ARHGEF18: variants seen among roughly 807,000 people sequenced by gnomAD.
ARHGEF18 encodes rho guanine nucleotide exchange factor 18.
In ARHGEF18, 93 loss-of-function variants were observed where a neutral mutation model predicts 155.7. That is an observed-to-expected ratio of 0.60 (90% CI 0.50 to 0.71). The LOEUF (loss-of-function observed/expected upper bound fraction) is 0.71, where lower values mean the gene tolerates loss of function less well. Among genes scored for constraint, ARHGEF18 ranks in the 30% least tolerant of loss-of-function variants. ARHGEF18 has a pLI of 0.00. For synonymous variants in ARHGEF18, 742 were observed against 753.1 expected (o/e 0.99, Z 0.24); for missense variants, 1,593 against 1,816.1 (o/e 0.88, Z 2.23).
At chr19:7,411,559 G>A (rs963355527) in intron 10 of ARHGEF18, among the ~76,000 whole-genome samples, 11 of 152,034 alleles carry the variant, frequency 7.2e-5, no homozygotes, top group African/African-American at 2.7e-4. Context: ...TGCCCACCTC[G>A]GCCTCCCAAA....
intron 1 of ARHGEF18, among the ~76,000 whole-genome samples, chr19:7,359,999 G>A (rs1479577538): frequency 6.6e-6 from 1 of 151,980 alleles, no homozygotes; most frequent in East Asian, 1.9e-4. Flanking sequence ...AACTAAAAAT[G>A]CAAAAATTAG....
At chr19:7,356,139 C>T (rs1969294001) in intron 1 of ARHGEF18, among the ~76,000 whole-genome samples, 1 of 152,040 alleles carries the variant, frequency 6.6e-6, no homozygotes, top group Non-Finnish European at 1.5e-5. Context: ...TACACACACA[C>T]ATCGGCTGGT....
chr19:7,477,441 G>C, downstream of ARHGEF18: 1 of 1,423,810 alleles, frequency 7.0e-7, no homozygotes, highest in Non-Finnish European at 9.2e-7. Flanking sequence ...AGCGGGCTGT[G>C]GGGCAGAGAG....
rs994221459 is a variant in ARHGEF18, at chr19:7,448,615, C to T, written c.1737+1447C>T. On this transcript the variant is annotated intron_variant, in intron 15 of 28. Transcript: ENST00000668164. ...GGCGGAGCGTGCAGTGAGCTGAGAT[C>T]GCACCACTGCACTCCAGCCTGGGCA... is the stretch of plus-strand genomic sequence containing the variant. 1.1e-4 allele frequency among the ~76,000 whole-genome samples: 16 copies of T among 151,554 alleles called. 1 individual carries two copies. Among genetic ancestry groups the T allele is most frequent in the Admixed American group, 3.9e-4 (6 of 15,210 alleles).
downstream of ARHGEF18, among the ~76,000 whole-genome samples, chr19:7,476,276 C>T (rs1977224845): frequency 6.6e-6 from 1 of 152,216 alleles, no homozygotes; most frequent in South Asian, 2.1e-4. Context: ...CGCACCACTG[C>T]ACTCCAGCCT....
At chr19:7,455,209 G>A (rs781086030) in intron 17 of ARHGEF18, among the ~76,000 whole-genome samples, 10 of 152,214 alleles carry the variant, frequency 6.6e-5, no homozygotes, top group Non-Finnish European at 1.3e-4. Flanking sequence ...CAGGCGCCGA[G>A]TTGGATGGTA....
intron 1 of ARHGEF18, among the ~76,000 whole-genome samples, chr19:7,353,649 G>A (rs1277726251): frequency 5.9e-5 from 9 of 151,566 alleles, no homozygotes; most frequent in African/African-American, 1.7e-4. Flanking sequence ...TATCCCTGTT[G>A]TATTTTTTTA....
chr19:7,445,673 G>A (rs1023529037), intron 14 of ARHGEF18, among the ~76,000 whole-genome samples: 1 of 152,134 alleles, frequency 6.6e-6, no homozygotes, highest in African/African-American at 2.4e-5. Flanking sequence ...AGGCTGGAGT[G>A]CAGTGGTGCA....
In ARHGEF18 at chr19:7,463,311, G is replaced by A. The variant is rs888142600; in HGVS notation, c.2636-507G>A. 1.3e-5 allele frequency among the ~76,000 whole-genome samples: 2 copies of A among 152,142 alleles called. No individual in the cohort carries two copies. The highest frequency in any genetic ancestry group is 2.9e-5 in the Non-Finnish European group (2 of 68,032). On this transcript the variant is annotated intron_variant, in intron 21 of 28. Coordinates refer to ENST00000668164, the MANE Select transcript of ARHGEF18 (RefSeq NM_001367823.1). The surrounding 1 kb of genome is among the most constrained non-coding windows in gnomAD (Gnocchi z 5.2). ...CCCCCTGGGGACACTCTCATATCCC[G>A]CACCTTGGCCTGGAATGTTCTTGTC...
At position 7,470,641 on chromosome 19, in the gene ARHGEF18, G is replaced by A. The variant is rs545199818; in HGVS notation, c.*343G>A. ...GAGATCAACTCCGAGCTGTTTTTCCGAGGCAGTGAGGAACGGTGCCGGCTC... is the reference window on the plus strand; with the variant it reads ...GAGATCAACTCCGAGCTGTTTTTCCAAGGCAGTGAGGAACGGTGCCGGCTC... On this transcript the variant is annotated 3_prime_UTR_variant, in exon 29 of 29. Coordinates refer to ENST00000668164, the MANE Select transcript of ARHGEF18 (RefSeq NM_001367823.1). This position sits in a 1 kb window ranked among gnomAD's most constrained non-coding sequence, Gnocchi z 5.9. 2.0e-5 allele frequency: 8 copies of A among 397,386 alleles called. No homozygotes were observed. The highest frequency in any genetic ancestry group is 3.1e-5 in the Non-Finnish European group (7 of 225,538). The allele number at this position is 397,386 out of a possible 1,614,324, so 24.6% of individuals were successfully genotyped here. A position where few individuals can be genotyped will look rare whatever the true frequency, so the allele number is the denominator to read the frequency against.
At chr19:7,443,959 C>T (rs567195583) in intron 13 of ARHGEF18, among the ~76,000 whole-genome samples, 6 of 152,098 alleles carry the variant, frequency 3.9e-5, no homozygotes, top group South Asian at 2.1e-4. Flanking sequence ...TGACACTGGG[C>T]GCAAAACCCT....
At chr19:7,379,023 G>T in intron 6 of ARHGEF18, 99 bp from the exon 7 acceptor site, 2 of 1,070,004 alleles carry the variant, frequency 1.9e-6, no homozygotes, top group South Asian at 4.8e-5. Flanking sequence ...TCTGCATCAG[G>T]ACCTGAGGCC....
intron 10 of ARHGEF18, among the ~76,000 whole-genome samples, chr19:7,411,740 G>A (rs1288886847): frequency 1.3e-5 from 2 of 151,956 alleles, no homozygotes; most frequent in Non-Finnish European, 2.9e-5. Flanking sequence ...CTGCAACTCT[G>A]TCCTCATAAA....
intron 14 of ARHGEF18, among the ~76,000 whole-genome samples, chr19:7,446,614 C>A (rs80138492): frequency 0.21 from 31,614 of 150,342 alleles, 3,488 homozygotes; most frequent in Admixed American, 0.24. Context: ...GGTGGCATGC[C>A]CCTGTAATCT....
intron 10 of ARHGEF18, among the ~76,000 whole-genome samples, chr19:7,430,921 CT>C (rs1973922900): frequency 6.6e-6 from 1 of 152,144 alleles, no homozygotes; most frequent in Non-Finnish European, 1.5e-5. Context: ...AACTCCAGCA[CT>C]TTGGGAGGCC....
intron 10 of ARHGEF18, chr19:7,439,548 T>C: frequency 2.8e-6 from 1 of 354,644 alleles, no homozygotes; most frequent in Non-Finnish European, 4.0e-6. Context: ...CTTAAATTAA[T>C]GAACAGATGG....
intron 10 of ARHGEF18, among the ~76,000 whole-genome samples, chr19:7,428,672 A>C (rs1973789782): frequency 6.6e-6 from 1 of 151,972 alleles, no homozygotes; most frequent in Non-Finnish European, 1.5e-5. Context: ...ACGCCACTGC[A>C]CTCCAGCCTG....
At chr19:7,460,489 T>A (rs936648812) in intron 20 of ARHGEF18, among the ~76,000 whole-genome samples, 5 of 152,084 alleles carry the variant, frequency 3.3e-5, no homozygotes, top group Admixed American at 2.6e-4. Context: ...CAGAATCATG[T>A]TAACTTTAGA....
At chr19:7,430,979 C>T (rs1973926179) in intron 10 of ARHGEF18, among the ~76,000 whole-genome samples, 1 of 151,892 alleles carries the variant, frequency 6.6e-6, no homozygotes, top group African/African-American at 2.4e-5. Flanking sequence ...CCAGCCTTTG[C>T]AACATAGCCA....
Sources: allele counts gnomAD v4.1 joint callset (sites outside exome capture counted in the v4.1 genomes callset), GRCh38; gene constraint gnomAD v4.1.1; non-coding constraint Gnocchi (gnomAD v3.1); transcripts MANE v1.5; gene names NCBI Gene and HGNC (gene_info 2026-07-23, HGNC 2026-07-21).